The following ATP11A variants were observed in gnomAD, a reference collection of about 807,000 sequenced individuals.
ATP11A encodes ATPase phospholipid transporting 11A.
A neutral mutation model predicts 154.4 loss-of-function variants in ATP11A; 81 were observed. The observed-to-expected ratio is 0.52, with a 90% confidence interval of 0.44 to 0.63. The LOEUF is 0.63. Ranked by LOEUF, ATP11A falls within the 30% of genes least tolerant of loss-of-function variation. The probability of loss-of-function intolerance (pLI) is 0.00; values close to 1 mark genes in which losing one functional copy is unlikely to be tolerated. For missense variants in ATP11A, 1,316 were observed against 1,474.3 expected, an observed-to-expected ratio of 0.89 and a Z score of 1.76; for synonymous variants, 623 against 585.9, an observed-to-expected ratio of 1.06 and a Z score of -0.91.
intron 1 of ATP11A, among the ~76,000 whole-genome samples, chr13:112,709,066 G>T (rs919449274): frequency 6.6e-6 from 1 of 152,108 alleles, no homozygotes; most frequent in Admixed American, 6.5e-5. Flanking sequence ...GGGGAATTGG[G>T]TGTCCCCAGC....
chr13:112,813,779 G>A (rs906582608), intron 5 of ATP11A, among the ~76,000 whole-genome samples: 7 of 151,916 alleles, frequency 4.6e-5, no homozygotes, highest in African/African-American at 7.3e-5. Context: ...CTGATGTCTC[G>A]GTGCAGCTTA....
At chr13:112,872,667 A>G (rs902846434) in intron 26 of ATP11A, among the ~76,000 whole-genome samples, 6 of 152,226 alleles carry the variant, frequency 3.9e-5, no homozygotes, top group African/African-American at 1.4e-4. Context: ...CTTAATCTGA[A>G]TGACTTTCTT....
At chr13:112,706,044 T>G (rs1306035548) in intron 1 of ATP11A, among the ~76,000 whole-genome samples, 3 of 152,216 alleles carry the variant, frequency 2.0e-5, no homozygotes, top group Non-Finnish European at 2.9e-5. Flanking sequence ...TTTAAGTAGT[T>G]TCTGCATCTA....
intron 1 of ATP11A, among the ~76,000 whole-genome samples, chr13:112,708,921 G>C (rs1887449223): frequency 6.6e-6 from 1 of 152,212 alleles, no homozygotes; most frequent in South Asian, 2.1e-4. Flanking sequence ...GGAAGAGAGA[G>C]TGATTTGGTT....
At position 112,864,023 on chromosome 13, in the gene ATP11A, C is replaced by T. The variant is rs1481018548; in HGVS notation, c.2991+1448C>T. ...ACGTGCACAGTAATTCAGTGCAGCA[C>T]GTGCAGCTTCTCAGCAGGGTCCATC... is the stretch of plus-strand genomic sequence containing the variant. On this transcript the variant is annotated intron_variant, in intron 25 of 29. Coordinates refer to ENST00000375645, the MANE Select transcript of ATP11A (RefSeq NM_015205.3). Among the ~76,000 whole-genome samples, 4 of 79,204 alleles carry T rather than the reference C, an allele frequency of 5.1e-5. 1 individual carries two copies. The highest frequency in any genetic ancestry group is 4.8e-4 in the Admixed American group (3 of 6,194). 52.0% of individuals were successfully genotyped at this position (79,204 alleles called of 152,430 possible).
chr13:112,881,390 G>A, intron 29 of ATP11A: 1 of 1,041,692 alleles, frequency 9.6e-7, no homozygotes, highest in Non-Finnish European at 1.2e-6. Context: ...GTGGGGTGGG[G>A]CCTGCCTTCC....
In ATP11A at chr13:112,825,339, C is replaced by A. The variant is rs192854848; in HGVS notation, c.873-91C>A. On this transcript the variant is annotated intron_variant, in intron 10 of 29. Transcript: ENST00000375645. ...TCACTGTGCCCTTCCTATTCTGTTTCTTCACGAGGTGTCATCTTGATATCT... is the reference window on the plus strand; with the variant it reads ...TCACTGTGCCCTTCCTATTCTGTTTATTCACGAGGTGTCATCTTGATATCT... The A allele has an allele frequency of 4.2e-6, 6 of 1,419,270 alleles. No individual in the cohort carries two copies. In the African/African-American group the frequency reaches 7.2e-5, roughly 17 times the overall value. The allele number at this position is 1,419,270 out of a possible 1,614,324, so 87.9% of individuals were successfully genotyped here. A position where few individuals can be genotyped will look rare whatever the true frequency, so the allele number is the denominator to read the frequency against.
intron 1 of ATP11A, among the ~76,000 whole-genome samples, chr13:112,718,054 T>TG (rs1257372673): frequency 1.3e-5 from 2 of 152,100 alleles, no homozygotes; most frequent in Admixed American, 6.5e-5. Context: ...GCAGCCTGAG[T>TG]GACAAGAGGG....
intron 25 of ATP11A, among the ~76,000 whole-genome samples, chr13:112,868,225 C>T (rs1566595270): frequency 6.6e-6 from 1 of 152,172 alleles, no homozygotes; most frequent in Admixed American, 6.5e-5. Flanking sequence ...ACGAGCGGTC[C>T]GCGTATGGGC....
chr13:112,853,485 G>A (rs1013376491), intron 18 of ATP11A, among the ~76,000 whole-genome samples: 17 of 152,136 alleles, frequency 1.1e-4, no homozygotes, highest in East Asian at 3.8e-4. Context: ...TACTTCACAC[G>A]AAAGTAGTCT....
chr13:112,880,715 TTGTGC>T (rs1178553975), intron 29 of ATP11A: 7 of 1,240,940 alleles, frequency 5.6e-6, no homozygotes, highest in South Asian at 1.4e-5. Flanking sequence ...TCCTCCAAAG[TTGTGC>T]TGTGCTGTGC....
chr13:112,763,838 A>G (rs1258083235), intron 1 of ATP11A, among the ~76,000 whole-genome samples: 1 of 151,930 alleles, frequency 6.6e-6, no homozygotes, highest in Non-Finnish European at 1.5e-5. Context: ...GGCCAAACCA[A>G]CGCCACCTTC....
chr13:112,767,794 G>A (rs530334397), intron 1 of ATP11A, among the ~76,000 whole-genome samples: 18 of 152,258 alleles, frequency 1.2e-4, no homozygotes, highest in East Asian at 1.9e-4. Flanking sequence ...ACTCCAGAGC[G>A]TGAGTGCGTC....
chr13:112,820,410 G>C (rs2078767766), intron 8 of ATP11A, among the ~76,000 whole-genome samples: 1 of 152,210 alleles, frequency 6.6e-6, no homozygotes, highest in South Asian at 2.1e-4. Flanking sequence ...GCCTATCTGA[G>C]GCTCACACCT....
At chr13:112,819,070 C>G (rs2078723802) in intron 6 of ATP11A, among the ~76,000 whole-genome samples, 1 of 152,204 alleles carries the variant, frequency 6.6e-6, no homozygotes, top group South Asian at 2.1e-4. Flanking sequence ...TCGAGCATTG[C>G]TATCTGTCCT....
intron 1 of ATP11A, among the ~76,000 whole-genome samples, chr13:112,727,417 A>G (rs1490655624): frequency 6.6e-6 from 1 of 152,188 alleles, no homozygotes; most frequent in East Asian, 1.9e-4. Flanking sequence ...ACTTTATTCA[A>G]CCAGCAATTA....
intron 1 of ATP11A, chr13:112,717,784 G>A (rs1163027726): frequency 5.9e-5 from 9 of 152,220 alleles, no homozygotes; most frequent in Non-Finnish European, 1.3e-4. Flanking sequence ...CATTAGAAAT[G>A]ATTGCCACGT....
At chr13:112,711,404 C>G (rs1566364567) in intron 1 of ATP11A, among the ~76,000 whole-genome samples, 3 of 151,876 alleles carry the variant, frequency 2.0e-5, no homozygotes, top group South Asian at 2.1e-4. Flanking sequence ...CCCAGGAGTT[C>G]GAAGCCAACC....
At chr13:112,809,945 G>A (rs1177136193) in intron 4 of ATP11A, among the ~76,000 whole-genome samples, 1 of 152,214 alleles carries the variant, frequency 6.6e-6, no homozygotes, top group Non-Finnish European at 1.5e-5. Context: ...GCGCGGCCGG[G>A]GTCAGGGTTA....
Sources: gnomAD v4.1 joint callset for allele counts (sites outside exome capture counted in the v4.1 genomes callset) on GRCh38, gnomAD v4.1.1 for gene constraint, MANE v1.5 for transcripts, NCBI Gene and HGNC (gene_info 2026-07-23, HGNC 2026-07-21) for gene names.